The following SPPL3 variants were observed in gnomAD, a reference collection of about 807,000 sequenced individuals.
SPPL3 encodes signal peptide peptidase like 3, also known as signal peptide peptidase-like 3.
Under a neutral mutation model 42.4 loss-of-function variants are expected in SPPL3, and 5 were observed. That is an observed-to-expected ratio of 0.12 (90% CI 0.06 to 0.25). SPPL3 has a LOEUF of 0.25. Among genes scored for constraint, SPPL3 ranks in the 10% least tolerant of loss-of-function variants. SPPL3 has a pLI of 1.00. For synonymous variants in SPPL3, 195 were observed against 181.8 expected (o/e 1.07, Z -0.58); for missense variants, 235 against 489.0 (o/e 0.48, Z 4.90).
chr12:120,827,819 A>G (rs1234221376), intron 1 of SPPL3, among the ~76,000 whole-genome samples: 1 of 151,250 alleles, frequency 6.6e-6, no homozygotes, highest in Admixed American at 6.6e-5. Flanking sequence ...GACAAGTCTC[A>G]CTCTGTTGCC....
At chr12:120,776,748 C>T (rs1869335304) in intron 6 of SPPL3, among the ~76,000 whole-genome samples, 1 of 152,104 alleles carries the variant, frequency 6.6e-6, no homozygotes, top group Non-Finnish European at 1.5e-5. Flanking sequence ...CTCAGCAAAA[C>T]ATGTAAATAG....
At chr12:120,849,230 A>C (rs1483474194) in intron 1 of SPPL3, among the ~76,000 whole-genome samples, 1 of 152,080 alleles carries the variant, frequency 6.6e-6, no homozygotes, top group African/African-American at 2.4e-5. Flanking sequence ...ACTAAACCTA[A>C]ACTTTACCTG....
rs1406385442 is a variant in SPPL3 at position 120,829,441 on chromosome 12, CA to C, written c.24-18556del. 2.6e-5 allele frequency among the ~76,000 whole-genome samples: 4 copies of C among 151,534 alleles called. No homozygotes were observed. In the East Asian group the frequency reaches 5.9e-4, roughly 22 times the overall value. On this transcript the variant is annotated intron_variant, in intron 1 of 10. Coordinates refer to ENST00000353487, the MANE Select transcript of SPPL3 (RefSeq NM_139015.5). ...TGAAACCCCGTCTCTACTAAAAATA[CA>C]AAAATTAGCCCGGCATGATGGTATA...
chr12:120,868,004 C>G (rs1319408613), intron 1 of SPPL3, among the ~76,000 whole-genome samples: 1 of 152,164 alleles, frequency 6.6e-6, no homozygotes, highest in Non-Finnish European at 1.5e-5. Flanking sequence ...GCCTTGGCCT[C>G]CCAAAATGCT....
rs1271242498 is a variant in SPPL3, at chr12:120,784,517, G to A, written c.267C>T (p.Phe89=). The change falls in exon 4 of 11, where the codon TTC becomes TTT. Residue 89 remains phenylalanine, a synonymous_variant. Transcript: ENST00000353487. ...AAACTACTTGAACTGAGTCAAAGAA[G>A]AAGAACATTACTAAAAGAGAGACAG... ...GASVSLLVMF[F]FFDSVQVVFT... The A allele has an allele frequency of 6.2e-7, 1 of 1,612,490 alleles. No individual in the cohort carries two copies. The highest frequency in any genetic ancestry group is 2.2e-5 in the East Asian group (1 of 44,820).
chr12:120,867,304 C>A (rs540315772), intron 1 of SPPL3, among the ~76,000 whole-genome samples: 1 of 152,288 alleles, frequency 6.6e-6, no homozygotes, highest in African/African-American at 2.4e-5. Context: ...TATATGCAGG[C>A]AATGACATCT....
At chr12:120,863,582 T>C (rs1413461559) in intron 1 of SPPL3, among the ~76,000 whole-genome samples, 3 of 152,196 alleles carry the variant, frequency 2.0e-5, no homozygotes, top group Non-Finnish European at 4.4e-5. Context: ...ATGTGAGTGG[T>C]ATTTTAAGAG....
chr12:120,890,799 A>T (rs563337535), intron 1 of SPPL3, among the ~76,000 whole-genome samples: 20 of 152,288 alleles, frequency 1.3e-4, no homozygotes, highest in African/African-American at 4.3e-4. Context: ...ATATACACAC[A>T]AACACGGAGC....
intron 6 of SPPL3, among the ~76,000 whole-genome samples, chr12:120,774,960 T>C (rs1002249356): frequency 2.0e-5 from 3 of 152,182 alleles, no homozygotes; most frequent in Non-Finnish European, 4.4e-5. Context: ...TTATCACTGA[T>C]ATCTCTGTAT....
intron 6 of SPPL3, chr12:120,769,586 TA>T (rs1869039563): frequency 6.5e-6 from 1 of 154,040 alleles, no homozygotes; most frequent in South Asian, 2.0e-4. Flanking sequence ...AGTCTCGCTG[TA>T]TCACCCAGGC....
At chr12:120,830,208 G>A (rs567578474) in intron 1 of SPPL3, among the ~76,000 whole-genome samples, 109 of 124,964 alleles carry the variant, frequency 8.7e-4, no homozygotes, top group African/African-American at 3.3e-3. Context: ...GAGCATGAGT[G>A]AAAAAGAAGC....
At chr12:120,840,107 C>T (rs1022099195) in intron 1 of SPPL3, among the ~76,000 whole-genome samples, 2 of 151,134 alleles carry the variant, frequency 1.3e-5, no homozygotes, top group South Asian at 2.1e-4. Flanking sequence ...GGTGGAACCC[C>T]GTCTCTACTA....
intron 6 of SPPL3, among the ~76,000 whole-genome samples, chr12:120,781,961 T>C (rs1869562036): frequency 6.6e-6 from 1 of 151,894 alleles, no homozygotes; most frequent in Non-Finnish European, 1.5e-5. Context: ...CTCTGTAATC[T>C]TGAACTCCTG....
At chr12:120,875,956 T>G (rs1219529373) in intron 1 of SPPL3, among the ~76,000 whole-genome samples, 1 of 151,980 alleles carries the variant, frequency 6.6e-6, no homozygotes, top group Non-Finnish European at 1.5e-5. Context: ...AAGTAGACTT[T>G]GGAACAAGGA....
chr12:120,835,126 ACC>A (rs1368228890), intron 1 of SPPL3, among the ~76,000 whole-genome samples: 1 of 152,142 alleles, frequency 6.6e-6, no homozygotes, highest in Non-Finnish European at 1.5e-5. Context: ...GAAAACAGGG[ACC>A]CTGTTCCAAC....
rs567199669 is a variant in SPPL3, at chr12:120,845,990, C to A, written c.24-35104G>T. Among the ~76,000 whole-genome samples the A allele has an allele frequency of 7.2e-5, 11 of 152,146 alleles. No homozygotes were observed. The South Asian group carries it at 2.3e-3, about 32-fold the overall frequency. ...TTGCTCACTGCAAGCCTCCGCCTCCCGGGTTCAAGCGATTCTTATACCTTA... is the reference window on the plus strand; with the variant it reads ...TTGCTCACTGCAAGCCTCCGCCTCCAGGGTTCAAGCGATTCTTATACCTTA... On this transcript the variant is annotated intron_variant, in intron 1 of 10. Coordinates refer to ENST00000353487, the MANE Select transcript of SPPL3 (RefSeq NM_139015.5).
At chr12:120,874,222 G>A (rs1042234038) in intron 1 of SPPL3, among the ~76,000 whole-genome samples, 1 of 152,100 alleles carries the variant, frequency 6.6e-6, no homozygotes, top group Non-Finnish European at 1.5e-5. Context: ...GAAGACCGAG[G>A]AAGGCGAATC....
chr12:120,874,908 G>A (rs555890369), intron 1 of SPPL3, among the ~76,000 whole-genome samples: 1 of 152,138 alleles, frequency 6.6e-6, no homozygotes, highest in Non-Finnish European at 1.5e-5. Context: ...AGCCAATATA[G>A]CTTCTATTTG....
At chr12:120,868,268 A>T (rs1566065178) in intron 1 of SPPL3, among the ~76,000 whole-genome samples, 1 of 152,136 alleles carries the variant, frequency 6.6e-6, no homozygotes, top group Non-Finnish European at 1.5e-5. Context: ...CAAAATAAAA[A>T]AAAAAAATGT....
Sources: allele counts gnomAD v4.1 joint callset (sites outside exome capture counted in the v4.1 genomes callset), GRCh38; gene constraint gnomAD v4.1.1; transcripts MANE v1.5; gene names NCBI Gene and HGNC (gene_info 2026-07-23, HGNC 2026-07-21).